Variants in SNTB1 observed in about 807,000 individuals in gnomAD.
SNTB1 encodes the protein beta-1-syntrophin.
SNTB1 carries 36 observed loss-of-function variants against 48.9 expected under a neutral mutation model. The observed-to-expected ratio is 0.74, with a 90% CI of 0.56 to 0.97. The LOEUF (loss-of-function observed/expected upper bound fraction) is 0.97, where lower values mean the gene tolerates loss of function less well. Among genes scored for constraint, SNTB1 ranks in the 50% least tolerant of loss-of-function variants. The probability of loss-of-function intolerance (pLI) is 0.00; values close to 1 mark genes in which losing one functional copy is unlikely to be tolerated. For synonymous variants in SNTB1, 299 were observed against 294.6 expected (o/e 1.01, Z -0.15); for missense variants, 786 against 703.4 (o/e 1.12, Z -1.33).
chr8:120,543,667 T>A (rs1815329432), intron 5 of SNTB1, among the ~76,000 whole-genome samples: 1 of 152,098 alleles, frequency 6.6e-6, no homozygotes, highest in Non-Finnish European at 1.5e-5. Flanking sequence ...ATAATGACAG[T>A]AGGCGGGGAG....
At chr8:120,705,470 C>T (rs531357242) in intron 1 of SNTB1, among the ~76,000 whole-genome samples, 2 of 152,230 alleles carry the variant, frequency 1.3e-5, no homozygotes, top group Admixed American at 1.3e-4. Context: ...CAGAATACAG[C>T]CATGATCAGT....
chr8:120,544,706 T>C (rs1457413021), intron 5 of SNTB1, among the ~76,000 whole-genome samples: 1 of 152,100 alleles, frequency 6.6e-6, no homozygotes, highest in African/African-American at 2.4e-5. Context: ...GCACAGGGTC[T>C]GAACTTCTCT....
rs1306682848 is a variant in SNTB1 at position 120,557,807 on chromosome 8, CAT to C, written c.1137-8851_1137-8850del. 2.0e-5 allele frequency among the ~76,000 whole-genome samples: 3 copies of C among 152,278 alleles called. No homozygotes were observed. The East Asian group carries it at 5.8e-4, about 29-fold the overall frequency. ...TGTTGGCTGGGTAACTGCATGAATA[CAT>C]GTTTTTCAAAAGGTTTTTAACATGT... On this transcript the variant is annotated intron_variant, in intron 4 of 6. Transcript: ENST00000517992.
At chr8:120,681,392 T>C (rs1817928063) in intron 2 of SNTB1, among the ~76,000 whole-genome samples, 1 of 151,824 alleles carries the variant, frequency 6.6e-6, no homozygotes, top group African/African-American at 2.4e-5. Flanking sequence ...CTCTGCAGAG[T>C]GGAGGAAGAG....
chr8:120,574,518 A>G (rs1436255084), intron 4 of SNTB1, among the ~76,000 whole-genome samples: 3 of 152,200 alleles, frequency 2.0e-5, no homozygotes, highest in Middle Eastern at 6.3e-3. Flanking sequence ...ATAACTTTGT[A>G]TGTCAATACC....
At position 120,739,738 on chromosome 8, in the gene SNTB1, T is replaced by C. The variant is rs150214747; in HGVS notation, c.572-45830A>G. Among the ~76,000 whole-genome samples the C allele has an allele frequency of 4.8e-3, 738 of 152,338 alleles. 2 individuals are homozygous for C. The highest frequency in any genetic ancestry group is 6.9e-3 in the Non-Finnish European group (471 of 68,032). On this transcript the variant is annotated intron_variant, in intron 1 of 6. Transcript: ENST00000517992. The stretch of plus-strand genomic sequence containing the variant: ...ATTCATGTTGGGCTCCACATTCTCC[T>C]GACATTTACCTCAACTACTAAGTAT...
chr8:120,803,819 C>T (rs1820275660), intron 1 of SNTB1, among the ~76,000 whole-genome samples: 1 of 152,176 alleles, frequency 6.6e-6, no homozygotes, highest in African/African-American at 2.4e-5. Flanking sequence ...TCTAAGCAGA[C>T]AGTTTTCATC....
chr8:120,618,073 A>C (rs961646137), intron 3 of SNTB1, among the ~76,000 whole-genome samples: 1 of 152,186 alleles, frequency 6.6e-6, no homozygotes, highest in South Asian at 2.1e-4. Context: ...ATGCCTTTGC[A>C]CATACTATTT....
chr8:120,576,461 T>A (rs117824231), intron 3 of SNTB1, among the ~76,000 whole-genome samples: 1 of 152,248 alleles, frequency 6.6e-6, no homozygotes, highest in East Asian at 1.9e-4. Context: ...CACCCTAGTA[T>A]GAGGAATGAG....
chr8:120,772,676 A>G (rs1176860502), intron 1 of SNTB1, among the ~76,000 whole-genome samples: 1 of 152,176 alleles, frequency 6.6e-6, no homozygotes, highest in Non-Finnish European at 1.5e-5. Context: ...AAGGGTGAGG[A>G]ACAACCCACA....
At chr8:120,678,595 A>T (rs577464910) in intron 2 of SNTB1, among the ~76,000 whole-genome samples, 2 of 152,332 alleles carry the variant, frequency 1.3e-5, no homozygotes, top group South Asian at 4.1e-4. Flanking sequence ...TTATTAAACA[A>T]CTTTTATTAA....
intron 2 of SNTB1, among the ~76,000 whole-genome samples, chr8:120,681,458 C>T (rs926032471): frequency 3.9e-5 from 6 of 152,080 alleles, no homozygotes; most frequent in African/African-American, 7.2e-5. Context: ...GATGTGAGTC[C>T]CTTGGCTCTG....
intron 3 of SNTB1, 84 bp downstream of exon 3, chr8:120,632,360 A>T (rs1360714176): frequency 1.6e-6 from 2 of 1,221,692 alleles, no homozygotes; most frequent in Non-Finnish European, 2.3e-6. Context: ...GAATCAGCCT[A>T]TGGGATGAGA....
intron 3 of SNTB1, among the ~76,000 whole-genome samples, chr8:120,608,400 G>A (rs1816560911): frequency 6.6e-6 from 1 of 152,170 alleles, no homozygotes; most frequent in Non-Finnish European, 1.5e-5. Flanking sequence ...GGTATTTTAA[G>A]TAAAATAAAG....
intron 3 of SNTB1, among the ~76,000 whole-genome samples, chr8:120,584,733 G>A (rs780853458): frequency 3.9e-5 from 6 of 152,114 alleles, no homozygotes; most frequent in Non-Finnish European, 7.4e-5. Context: ...AAATAGGGTC[G>A]TCGCAGATGT....
At chr8:120,791,786 A>T (rs1008236627) in intron 1 of SNTB1, among the ~76,000 whole-genome samples, 4 of 151,992 alleles carry the variant, frequency 2.6e-5, no homozygotes, top group Non-Finnish European at 4.4e-5. Context: ...ATTATTAAAA[A>T]TTTTTTAAAA....
At position 120,559,666 on chromosome 8, in the gene SNTB1, A is replaced by G. The variant is rs193202272; in HGVS notation, c.1137-10708T>C. ...TAGCCTGACTAGTTTTGAACAAAAC[A>G]AAAAATCCCCAAAAACCTGTCTTTC... On this transcript the variant is annotated intron_variant, in intron 4 of 6. Transcript: ENST00000517992. Among the ~76,000 whole-genome samples the G allele has an allele frequency of 3.7e-3, 559 of 152,334 alleles. 2 individuals are homozygous for G. Among genetic ancestry groups the G allele is most frequent in the Non-Finnish European group, 5.6e-3 (383 of 68,024 alleles).
At chr8:120,668,848 T>A (rs1204259953) in intron 2 of SNTB1, among the ~76,000 whole-genome samples, 1 of 152,246 alleles carries the variant, frequency 6.6e-6, no homozygotes, top group Non-Finnish European at 1.5e-5. Context: ...GTTGAAACTC[T>A]GGGGAGAAAT....
Position 120,713,143 on chromosome 8 carries a change from C to T in SNTB1, c.572-19235G>A, listed in dbSNP as rs186534605. ...GGGTTGAGGTTCAGTTCTCTTTCAG[C>T]TGCATGAGAATGGACAACTCATTTC... On this transcript the variant is annotated intron_variant, in intron 1 of 6. Transcript: ENST00000517992. 4.2e-3 allele frequency among the ~76,000 whole-genome samples: 641 copies of T among 152,270 alleles called. 6 individuals are homozygous for T. The highest frequency in any genetic ancestry group is 0.015 in the African/African-American group (605 of 41,548).
Sources: gnomAD v4.1 joint callset for allele counts (sites outside exome capture counted in the v4.1 genomes callset) on GRCh38, gnomAD v4.1.1 for gene constraint, MANE v1.5 for transcripts, NCBI Gene and HGNC (gene_info 2026-07-23, HGNC 2026-07-21) for gene names.